The following EPAS1 variants were observed in gnomAD, a reference collection of about 807,000 sequenced individuals.
EPAS1 encodes endothelial PAS domain-containing protein 1.
Under a neutral mutation model 87.9 loss-of-function variants are expected in EPAS1, and 23 were observed. That is an observed-to-expected ratio of 0.26 (90% CI 0.19 to 0.37). EPAS1 has a LOEUF of 0.37. Ranked by LOEUF, EPAS1 falls within the 10% of genes least tolerant of loss-of-function variation. The probability of loss-of-function intolerance (pLI) is 1.00; values close to 1 mark genes in which losing one functional copy is unlikely to be tolerated. For missense variants in EPAS1, 1,138 were observed against 1,120.7 expected, an observed-to-expected ratio of 1.02 and a Z score of -0.22; for synonymous variants, 508 against 444.3, an observed-to-expected ratio of 1.14 and a Z score of -1.80.
chr2:46,382,692 G>A, intron 15 of EPAS1, 94 bp downstream of exon 15: 1 of 1,517,422 alleles, frequency 6.6e-7, no homozygotes, highest in Non-Finnish European at 9.0e-7. Context: ...ACAGTGCCAG[G>A]CACAGGGAGG....
At chr2:46,351,740 C>G (rs1363902150) in intron 2 of EPAS1, among the ~76,000 whole-genome samples, 1 of 152,170 alleles carries the variant, frequency 6.6e-6, no homozygotes, top group Non-Finnish European at 1.5e-5. Context: ...CCTGGAACTT[C>G]TCGGAGTAGG....
At position 46,333,651 on chromosome 2, in the gene EPAS1, C is replaced by T. The variant is rs561018736; in HGVS notation, c.27-13222C>T. Among the ~76,000 whole-genome samples, 23 of 152,074 alleles carry T rather than the reference C, an allele frequency of 1.5e-4. No homozygotes were observed. The South Asian group carries it at 4.8e-3, about 32-fold the overall frequency. On this transcript the variant is annotated intron_variant, in intron 1 of 15. Transcript: ENST00000263734. ...TGGAGTAAGCGTGGAGCTACAGGAT[C>T]GTAGGAGCTAAGTTTGGAAAGGGCT...
intron 14 of EPAS1, 77 bp from the exon 15 acceptor site, chr2:46,382,346 GAA>G: frequency 6.4e-7 from 1 of 1,567,664 alleles, no homozygotes; most frequent in Non-Finnish European, 8.8e-7. Context: ...TTTTATAAAG[GAA>G]AGGGATGCTA....
At chr2:46,354,175 G>A (rs560148293) in intron 2 of EPAS1, among the ~76,000 whole-genome samples, 3 of 152,372 alleles carry the variant, frequency 2.0e-5, no homozygotes, top group African/African-American at 7.2e-5. Context: ...TTCCCTTGCA[G>A]AAAGGCCCTT....
At position 46,346,545 on chromosome 2, in the gene EPAS1, C is replaced by T. The variant is rs1397429332; in HGVS notation, c.27-328C>T. ...TCCATCCCTGGACATTCACCCCTAT[C>T]CCCAGATATTCCAGGGCTAGGTCCC... On this transcript the variant is annotated intron_variant, in intron 1 of 15. Transcript: ENST00000263734. This position sits in a 1 kb window ranked among gnomAD's most constrained non-coding sequence, Gnocchi z 4.0. Among the ~76,000 whole-genome samples the T allele has an allele frequency of 2.0e-5, 3 of 152,238 alleles. No individual in the cohort carries two copies. The highest frequency in any genetic ancestry group is 2.9e-5 in the Non-Finnish European group (2 of 68,044).
At position 46,308,538 on chromosome 2, in the gene EPAS1, C is replaced by T. The variant is rs1683153106; in HGVS notation, c.26+10601C>T. 2.7e-5 allele frequency among the ~76,000 whole-genome samples: 4 copies of T among 149,918 alleles called. No individual in the cohort carries two copies. In the South Asian group the frequency reaches 8.5e-4, roughly 32 times the overall value. On this transcript the variant is annotated intron_variant, in intron 1 of 15. Transcript: ENST00000263734. ...TGCTTTGTTCATGTCCCTTGGGTTA[C>T]TTGGAAAGCCTGCCTCACAAGCTCT...
intron 1 of EPAS1, among the ~76,000 whole-genome samples, chr2:46,340,151 T>C (rs1166544974): frequency 1.3e-5 from 2 of 152,176 alleles, no homozygotes; most frequent in Admixed American, 1.3e-4. Context: ...GGAGCTGGGT[T>C]ATCTGGAGCC....
intron 3 of EPAS1, 35 bp downstream of exon 3, chr2:46,356,337 A>G: frequency 6.2e-7 from 1 of 1,613,444 alleles, no homozygotes; most frequent in Non-Finnish European, 8.5e-7. Context: ...AAAAGAAGAA[A>G]TGTTTCCATT....
At chr2:46,361,940 G>A (rs993844429) in intron 6 of EPAS1, among the ~76,000 whole-genome samples, 2 of 152,346 alleles carry the variant, frequency 1.3e-5, no homozygotes, top group African/African-American at 4.8e-5. Flanking sequence ...TGGGAGGTAG[G>A]AGGAGGAAGA....
intron 1 of EPAS1, among the ~76,000 whole-genome samples, chr2:46,305,846 A>G (rs1320174186): frequency 6.6e-6 from 1 of 152,236 alleles, no homozygotes; most frequent in Non-Finnish European, 1.5e-5. Context: ...AAGTGGATCC[A>G]TTATGTTGTA....
chr2:46,369,986 T>C, intron 7 of EPAS1, 53 bp downstream of exon 7: 2 of 1,349,386 alleles, frequency 1.5e-6, no homozygotes, highest in Non-Finnish European at 1.0e-6. Context: ...GTATGTGGCC[T>C]TGAGTGGGGT....
chr2:46,379,260 G>A (rs1267732553), intron 11 of EPAS1, among the ~76,000 whole-genome samples: 1 of 152,202 alleles, frequency 6.6e-6, no homozygotes, highest in Non-Finnish European at 1.5e-5. Context: ...TAAGGCCAAT[G>A]TTCTTGCAAA....
chr2:46,348,467 G>T (rs1684082539), intron 2 of EPAS1, among the ~76,000 whole-genome samples: 1 of 152,212 alleles, frequency 6.6e-6, no homozygotes, highest in African/African-American at 2.4e-5. Flanking sequence ...GGCTAATGTT[G>T]CAATCATCTT....
intron 13 of EPAS1, 73 bp from the exon 14 acceptor site, chr2:46,381,902 C>T (rs1365955632): frequency 1.5e-6 from 2 of 1,312,512 alleles, no homozygotes; most frequent in African/African-American, 1.5e-5. Flanking sequence ...GTTCCAGGCC[C>T]ACCCAACCCA....
At position 46,297,894 on chromosome 2, in the gene EPAS1, C is replaced by G. The variant is rs771239476; in HGVS notation, c.-18C>G. 4 of 1,610,896 alleles carry G rather than the reference C, an allele frequency of 2.5e-6. No homozygotes were observed. Among genetic ancestry groups the G allele is most frequent in the Admixed American group, 3.3e-5 (2 of 59,750 alleles). On this transcript the variant is annotated 5_prime_UTR_variant, in exon 1 of 16. Coordinates refer to ENST00000263734, the MANE Select transcript of EPAS1 (RefSeq NM_001430.5). The stretch of plus-strand genomic sequence containing the variant: ...CCAGGTGCTCGGCGTCTGAACGTCT[C>G]AAAGGGCCACAGCGACAATGACAGC...
At chr2:46,321,347 A>G (rs1457244180) in intron 1 of EPAS1, among the ~76,000 whole-genome samples, 1 of 152,214 alleles carries the variant, frequency 6.6e-6, no homozygotes, top group Non-Finnish European at 1.5e-5. Context: ...ATGGTGTACA[A>G]TTTGAGTCCC....
At chr2:46,377,771 G>A (rs1018270734) in intron 9 of EPAS1, 123 bp from the exon 10 acceptor site, 64 of 1,515,818 alleles carry the variant, frequency 4.2e-5, no homozygotes, top group Non-Finnish European at 5.2e-5. Flanking sequence ...TGTTGGGGGG[G>A]CCTAGCCCCA....
rs1397391407 is a variant in EPAS1, at chr2:46,371,207, A to G, written c.886+1274A>G. 1.3e-5 allele frequency among the ~76,000 whole-genome samples: 2 copies of G among 152,154 alleles called. No individual in the cohort carries two copies. The highest frequency in any genetic ancestry group is 2.9e-5 in the Non-Finnish European group (2 of 68,030). Reference sequence around the variant, plus strand: ...GCCCTGCTGGCAATGGAGAAAACGGAAGGGCAGCCATTTGTCCATGGCTCC... The same window carrying G: ...GCCCTGCTGGCAATGGAGAAAACGGGAGGGCAGCCATTTGTCCATGGCTCC... On this transcript the variant is annotated intron_variant, in intron 7 of 15. Transcript: ENST00000263734. This position sits in a 1 kb window ranked among gnomAD's most constrained non-coding sequence, Gnocchi z 4.3.
intron 4 of EPAS1, among the ~76,000 whole-genome samples, chr2:46,359,979 G>A (rs1045828792): frequency 6.6e-6 from 1 of 152,210 alleles, no homozygotes; most frequent in Admixed American, 6.5e-5. Flanking sequence ...ATATGATCCA[G>A]GTTGAGTTAA....
Sources: allele counts gnomAD v4.1 joint callset (sites outside exome capture counted in the v4.1 genomes callset), GRCh38; gene constraint gnomAD v4.1.1; non-coding constraint Gnocchi (gnomAD v3.1); transcripts MANE v1.5; gene names NCBI Gene and HGNC (gene_info 2026-07-23, HGNC 2026-07-21).